The following DSP variants were observed in gnomAD, a reference collection of about 807,000 sequenced individuals.
DSP encodes the protein 250/210 kDa paraneoplastic pemphigus antigen.
DSP carries 114 observed loss-of-function variants against 290.6 expected under a neutral mutation model. The observed-to-expected ratio is 0.39, with a 90% confidence interval of 0.34 to 0.46. The LOEUF is 0.46. DSP is among the 20% of genes least tolerant of loss of function. The probability of loss-of-function intolerance (pLI) is 0.99; values close to 1 mark genes in which losing one functional copy is unlikely to be tolerated. For missense variants in DSP, 3,230 were observed against 3,495.8 expected, an observed-to-expected ratio of 0.92 and a Z score of 1.92; for synonymous variants, 1,311 against 1,316.4, an observed-to-expected ratio of 1.00 and a Z score of 0.09.
At chr6:7,547,454 G>A (rs1758199574) in intron 1 of DSP, among the ~76,000 whole-genome samples, 1 of 152,082 alleles carries the variant, frequency 6.6e-6, no homozygotes, top group South Asian at 2.1e-4. Context: ...TTGAGATGGG[G>A]TGTTGCTCTG....
chr6:7,554,762 A>T (rs935457785), intron 1 of DSP, among the ~76,000 whole-genome samples: 2 of 152,118 alleles, frequency 1.3e-5, no homozygotes, highest in Admixed American at 1.3e-4. Flanking sequence ...CTCCCACCTC[A>T]GCTGCCTGAG....
Position 7,586,005 on chromosome 6 carries a change from A to C in DSP, c.*127A>C, listed in dbSNP as rs1759662135. Reference sequence around the variant, plus strand: ...AGGACATTCTATGCTTACAGAAAATATAGCCATGATTGAAATCAAATAGTA... The same window carrying C: ...AGGACATTCTATGCTTACAGAAAATCTAGCCATGATTGAAATCAAATAGTA... On this transcript the variant is annotated 3_prime_UTR_variant, in exon 24 of 24. Coordinates refer to ENST00000379802, the MANE Select transcript of DSP (RefSeq NM_004415.4). 1.0e-6 allele frequency: 1 copy of C among 978,408 alleles called. No homozygotes were observed. Among genetic ancestry groups the C allele is most frequent in the Non-Finnish European group, 1.5e-6 (1 of 645,922 alleles). The allele number at this position is 978,408 out of a possible 1,614,324, so 60.6% of individuals were successfully genotyped here.
Position 7,574,117 on chromosome 6 carries a change from A to C in DSP, c.2162A>C (p.Glu721Ala). The change falls in exon 16 of 24, where the codon GAG (glutamate) becomes GCG (alanine). Residue 721 changes from glutamate (E) to alanine (A), a missense_variant. Coordinates refer to ENST00000379802, the MANE Select transcript of DSP (RefSeq NM_004415.4). ...SVQNDSQAIAEVLNQLKDMLA... is the reference protein window; with the variant it reads ...SVQNDSQAIAAVLNQLKDMLA... The stretch of plus-strand genomic sequence containing the variant: ...CAGAATGATTCACAAGCAATTGCTG[A>C]GGTTCTCAACCAGCTTAAAGATATG... The C allele has an allele frequency of 1.2e-6, 2 of 1,614,160 alleles. No individual in the cohort carries two copies. The highest frequency in any genetic ancestry group is 1.7e-6 in the Non-Finnish European group (2 of 1,179,998).
chr6:7,565,533 C>G lies in DSP; in HGVS notation c.939+13C>G. 1 of 1,613,784 alleles carries G rather than the reference C, an allele frequency of 6.2e-7. No homozygotes were observed. Among genetic ancestry groups the G allele is most frequent in the Non-Finnish European group, 8.5e-7 (1 of 1,179,826 alleles). On this transcript the variant is annotated intron_variant, in intron 7 of 23. Coordinates refer to ENST00000379802, the MANE Select transcript of DSP (RefSeq NM_004415.4). This position sits in a 1 kb window ranked among gnomAD's most constrained non-coding sequence, Gnocchi z 4.2. ...GGAGGCCTTCTCCGTAAGTTCACCC[C>G]ACGCGGCTGTAGATGCTTGTCTTGA...
At position 7,579,095 on chromosome 6, in the gene DSP, G is replaced by A. The variant is rs1759333549; in HGVS notation, c.3085-180G>A. Among the ~76,000 whole-genome samples the A allele has an allele frequency of 3.3e-5, 5 of 152,200 alleles. No homozygotes were observed. Among genetic ancestry groups the A allele is most frequent in the Admixed American group, 2.6e-4 (4 of 15,280 alleles). ...TGCTAAGAGCATATGAGCAGCTGGT[G>A]CAAGAATTATGATGAGAATCCAGAT... is the stretch of plus-strand genomic sequence containing the variant. On this transcript the variant is annotated intron_variant, in intron 22 of 23. Transcript: ENST00000379802. The surrounding 1 kb of genome is among the most constrained non-coding windows in gnomAD (Gnocchi z 4.1).
chr6:7,560,931 A>T (rs942835789), intron 4 of DSP, among the ~76,000 whole-genome samples: 7 of 151,032 alleles, frequency 4.6e-5, no homozygotes, highest in Non-Finnish European at 1.5e-5. Flanking sequence ...GTATTACCAC[A>T]TGAATTCAGT....
intron 10 of DSP, 31 bp from the exon 11 acceptor site, chr6:7,568,406 T>C (rs777721937): frequency 7.4e-6 from 12 of 1,612,862 alleles, no homozygotes; most frequent in Non-Finnish European, 1.0e-5. Flanking sequence ...AGGGTATCTA[T>C]GTTTAAGTAT....
In DSP at chr6:7,575,544, A is replaced by G. The variant is rs1759214590; in HGVS notation, c.2630+56A>G. ...TCTTCTCCCCTTTTGGTTGTTCACA[A>G]GATAATGTCACTTGAAGGGAACCAC... On this transcript the variant is annotated intron_variant, in intron 18 of 23. Transcript: ENST00000379802. The G allele has an allele frequency of 4.4e-6, 7 of 1,604,454 alleles. No homozygotes were observed. The African/African-American group carries it at 5.3e-5, about 12-fold the overall frequency.
chr6:7,571,256 C>A, intron 13 of DSP, 127 bp from the exon 14 acceptor site: 2 of 890,176 alleles, frequency 2.2e-6, no homozygotes, highest in Non-Finnish European at 3.8e-6. Flanking sequence ...CCTTTTATAT[C>A]TTAATGAGCC....
At chr6:7,543,688 C>A (rs1758089041) in intron 1 of DSP, among the ~76,000 whole-genome samples, 1 of 152,074 alleles carries the variant, frequency 6.6e-6, no homozygotes, top group Admixed American at 6.6e-5. Context: ...TTTAGTAGCT[C>A]TTTTTGGCGT....
Position 7,562,768 on chromosome 6 carries a change from CA to C in DSP, c.717del (p.Ala240ProfsTer20), listed in dbSNP as rs1415686883. ...ACTATCGCTGGCAGCTGGACAAAAT[CA>C]AAGCCGACCTGGTACTTGTCTGTGT... Reference protein sequence around the residue: ...GDYRWQLDKIKADLREKSAIY... With the variant: ...GDYRWQLDKIXADLREKSAIY... On this transcript the variant is annotated frameshift_variant, in exon 5 of 24. Transcript: ENST00000379802. LOFTEE classifies it high-confidence loss of function. The C allele has an allele frequency of 6.2e-7, 1 of 1,614,114 alleles. No homozygotes were observed. Among genetic ancestry groups the C allele is most frequent in the East Asian group, 2.2e-5 (1 of 44,884 alleles).
chr6:7,569,153 T>C (rs568376458), intron 11 of DSP, 33 bp from the exon 12 acceptor site: 2 of 1,613,978 alleles, frequency 1.2e-6, no homozygotes, highest in East Asian at 2.2e-5. Context: ...TACTTATGAA[T>C]AAAGCCAAAC....
rs112242645 is a variant in DSP at position 7,580,212 on chromosome 6, G to T, written c.4022G>T (p.Arg1341Leu). The T allele has an allele frequency of 1.2e-6, 2 of 1,613,962 alleles. No individual in the cohort carries two copies. Among genetic ancestry groups the T allele is most frequent in the East Asian group, 2.2e-5 (1 of 44,878 alleles). Residue 1341 changes from arginine (R) to leucine (L), a missense_variant, in exon 23 of 24, where the codon CGC becomes CTC. Arg to Leu is a moderately radical substitution (Grantham distance 102). Transcript: ENST00000379802. The surrounding 1 kb of genome is among the most constrained non-coding windows in gnomAD (Gnocchi z 4.2). ...GAGTTTCAGGAGGAGGCCAAGCGCCGCTGGGAATATGAAAATGAACTGAGT... is the reference window on the plus strand; with the variant it reads ...GAGTTTCAGGAGGAGGCCAAGCGCCTCTGGGAATATGAAAATGAACTGAGT... ...KAEFQEEAKRRWEYENELSKV... is the reference protein window; with the variant it reads ...KAEFQEEAKRLWEYENELSKV...
intron 1 of DSP, among the ~76,000 whole-genome samples, chr6:7,552,234 A>G (rs1317855220): frequency 6.6e-6 from 1 of 152,182 alleles, no homozygotes; most frequent in African/African-American, 2.4e-5. Context: ...GATGCTGTGC[A>G]AAACATGTAA....
At chr6:7,559,494 A>T in intron 4 of DSP, 94 bp downstream of exon 4, 1 of 1,521,730 alleles carries the variant, frequency 6.6e-7, no homozygotes, top group Non-Finnish European at 9.0e-7. Flanking sequence ...AGAGTCTTCT[A>T]GACCTCAGGT....
chr6:7,563,941 A>C (rs1221251740), intron 6 of DSP, among the ~76,000 whole-genome samples, 155 bp downstream of exon 6: 1 of 152,148 alleles, frequency 6.6e-6, no homozygotes, highest in African/African-American at 2.4e-5. Flanking sequence ...GAATTTTAAA[A>C]GTTGTTTTCT....
At position 7,566,458 on chromosome 6, in the gene DSP, C is replaced by T; in HGVS notation, c.1021C>T (p.His341Tyr). Residue 341 changes from histidine (H) to tyrosine (Y), a missense_variant, in exon 8 of 24, where the codon CAT (histidine) becomes TAT (tyrosine). Transcript: ENST00000379802. ...QESDQLVLNQ[H>Y]PASDKIEAYM... ...AAGTGACCAACTTGTCCTCAATCAG[C>T]ATCCAGCTTCAGACAAAATTGAGGT... is the stretch of plus-strand genomic sequence containing the variant. 6.2e-7 allele frequency: 1 copy of T among 1,613,728 alleles called. No homozygotes were observed. The highest frequency in any genetic ancestry group is 8.5e-7 in the Non-Finnish European group (1 of 1,179,936).
chr6:7,563,075 T>C (rs1758752255), intron 5 of DSP, among the ~76,000 whole-genome samples: 1 of 152,230 alleles, frequency 6.6e-6, no homozygotes, highest in Non-Finnish European at 1.5e-5. Flanking sequence ...AAGCAGAACA[T>C]CTTTTTGAAT....
chr6:7,575,725 C>T lies in DSP; in HGVS notation c.2630+237C>T, dbSNP rs75232119. On this transcript the variant is annotated intron_variant, in intron 18 of 23. Coordinates refer to ENST00000379802, the MANE Select transcript of DSP (RefSeq NM_004415.4). ...GGTGCCATCCAGGGTCTTAGAGAAA[C>T]GGCAGAAGCCCTTTAGCCAGCTCTT... Among the ~76,000 whole-genome samples the T allele has an allele frequency of 0.011, 1,742 of 152,312 alleles. 29 individuals are homozygous for T. Among genetic ancestry groups the T allele is most frequent in the African/African-American group, 0.04 (1,660 of 41,566 alleles).
Sources: gnomAD v4.1 joint callset for allele counts (sites outside exome capture counted in the v4.1 genomes callset) on GRCh38, gnomAD v4.1.1 for gene constraint, Gnocchi (gnomAD v3.1) non-coding constraint, MANE v1.5 for transcripts, NCBI Gene and HGNC (gene_info 2026-07-23, HGNC 2026-07-21) for gene names.